AGBL1: variants seen among roughly 807,000 people sequenced by gnomAD.
AGBL1 encodes the protein AGBL carboxypeptidase 1.
AGBL1 carries 130 observed loss-of-function variants against 118.9 expected under a neutral mutation model. The ratio of observed to expected loss-of-function variants is 1.09; its 90% CI spans 0.95 to 1.26. The LOEUF is 1.26. AGBL1 is among the 50% of genes most tolerant of loss of function. The probability of loss-of-function intolerance (pLI) is 0.00; values close to 1 mark genes in which losing one functional copy is unlikely to be tolerated. For synonymous variants in AGBL1, 555 were observed against 478.9 expected, an observed-to-expected ratio of 1.16 and a Z score of -2.08; for missense variants, 1,584 against 1,298.1, an observed-to-expected ratio of 1.22 and a Z score of -3.38.
At chr15:86,737,511 G>C (rs1427321630) in intron 22 of AGBL1, among the ~76,000 whole-genome samples, 1 of 152,180 alleles carries the variant, frequency 6.6e-6, no homozygotes, top group Non-Finnish European at 1.5e-5. Context: ...AAGTGCCTAT[G>C]ATATCTCGGC....
chr15:86,434,638 C>A (rs1195662943), intron 18 of AGBL1, among the ~76,000 whole-genome samples: 2 of 152,200 alleles, frequency 1.3e-5, no homozygotes, highest in African/African-American at 4.8e-5. Flanking sequence ...GGCCAGTCAA[C>A]ATTTTCATCA....
chr15:86,723,167 G>T (rs1239815966), intron 22 of AGBL1, among the ~76,000 whole-genome samples: 1 of 152,124 alleles, frequency 6.6e-6, no homozygotes, highest in African/African-American at 2.4e-5. Context: ...TATGTCCAAA[G>T]GATTATAAAT....
chr15:86,943,888 G>GC (rs759481580), intron 23 of AGBL1, among the ~76,000 whole-genome samples: 53 of 152,212 alleles, frequency 3.5e-4, no homozygotes, highest in Non-Finnish European at 3.8e-4. Flanking sequence ...TGTATCACCA[G>GC]CCCATTGGCC....
intron 5 of AGBL1, among the ~76,000 whole-genome samples, chr15:86,186,627 C>A (rs1415094880): frequency 6.6e-6 from 1 of 152,166 alleles, no homozygotes; most frequent in Non-Finnish European, 1.5e-5. Flanking sequence ...GCCAGGCTGA[C>A]ACGGAGCCCT....
In AGBL1 at chr15:86,483,160, C is replaced by T. The variant is rs146274879; in HGVS notation, c.2556-39650C>T. ...CATGGGGCCCATGTTCAAAATATGGCGGCATTGGCATGATCTGAGGGTGCA... is the reference window on the plus strand; with the variant it reads ...CATGGGGCCCATGTTCAAAATATGGTGGCATTGGCATGATCTGAGGGTGCA... On this transcript the variant is annotated intron_variant, in intron 18 of 22. Transcript: ENST00000614907. Among the ~76,000 whole-genome samples, 96 of 152,130 alleles carry T rather than the reference C, an allele frequency of 6.3e-4. 1 individual carries two copies. Among genetic ancestry groups the T allele is most frequent in the African/African-American group, 1.8e-3 (75 of 41,512 alleles).
intron 20 of AGBL1, 58 bp from the exon 21 acceptor site, chr15:86,554,300 TATG>T (rs1450931582): frequency 1.5e-6 from 2 of 1,366,992 alleles, no homozygotes; most frequent in Admixed American, 2.8e-5. Flanking sequence ...AAGCTATTTT[TATG>T]ATGACTATCC....
intron 22 of AGBL1, among the ~76,000 whole-genome samples, chr15:86,771,293 A>G (rs180722474): frequency 6.6e-6 from 1 of 152,200 alleles, no homozygotes; most frequent in Non-Finnish European, 1.5e-5. Flanking sequence ...AATCCTTTTG[A>G]TAATCTTGCA....
intron 17 of AGBL1, among the ~76,000 whole-genome samples, chr15:86,322,264 C>T (rs925197869): frequency 1.3e-5 from 2 of 151,836 alleles, no homozygotes; most frequent in Non-Finnish European, 2.9e-5. Context: ...AAATCTTCCA[C>T]TACAACAAGA....
chr15:86,550,872 A>G (rs531960670), intron 20 of AGBL1, among the ~76,000 whole-genome samples: 1 of 152,098 alleles, frequency 6.6e-6, no homozygotes, highest in South Asian at 2.1e-4. Context: ...GACTGAAACC[A>G]TGCACAGAAT....
rs923711315 is a variant in AGBL1 at position 86,224,139 on chromosome 15, A to AT, written c.489-768dup. Among the ~76,000 whole-genome samples, 9 of 152,218 alleles carry AT rather than the reference A, an allele frequency of 5.9e-5. No individual in the cohort carries two copies. In the East Asian group the frequency reaches 1.4e-3, roughly 23 times the overall value. On this transcript the variant is annotated intron_variant, in intron 5 of 22. Transcript: ENST00000614907. ...TTACTAGGGCCACACAGAATCTTCT[A>AT]TTTTTTTAAAAAAGCAAACACAACT...
intron 21 of AGBL1, among the ~76,000 whole-genome samples, chr15:86,592,769 T>C (rs2084355606): frequency 6.6e-6 from 1 of 152,212 alleles, no homozygotes. Flanking sequence ...GTGTTTTCTA[T>C]CTTGGGAAAC....
chr15:86,870,146 T>G (rs1036019342), intron 22 of AGBL1, among the ~76,000 whole-genome samples: 1 of 152,118 alleles, frequency 6.6e-6, no homozygotes, highest in Non-Finnish European at 1.5e-5. Context: ...ACATGAACTT[T>G]CTAGTTAAAT....
intron 21 of AGBL1, chr15:86,556,205 C>G (rs2083731593): frequency 6.2e-7 from 1 of 1,605,874 alleles, no homozygotes; most frequent in Admixed American, 1.7e-5. Flanking sequence ...AGGCCCTCAC[C>G]AACTCTCTAC....
At chr15:86,989,630 T>A (rs1247832924) in intron 24 of AGBL1, among the ~76,000 whole-genome samples, 1 of 152,170 alleles carries the variant, frequency 6.6e-6, no homozygotes, top group African/African-American at 2.4e-5. Flanking sequence ...TAGCAATGAT[T>A]AAAGGAAGAA....
At chr15:86,264,145 C>T (rs1238426653) in intron 10 of AGBL1, 113 bp from the exon 11 acceptor site, 1 of 902,014 alleles carries the variant, frequency 1.1e-6, no homozygotes, top group African/African-American at 1.7e-5. Flanking sequence ...AAAGCTTCCA[C>T]ATTCACAGGA....
intron 22 of AGBL1, among the ~76,000 whole-genome samples, chr15:86,828,941 T>TAC (rs2079068388): frequency 7.5e-6 from 1 of 133,946 alleles, no homozygotes; most frequent in African/African-American, 2.7e-5. Flanking sequence ...TATATATATA[T>TAC]ACTGTGTATT....
chr15:86,140,556 G>T lies in AGBL1; in HGVS notation c.52-1448G>T, dbSNP rs966307360. ...TTCTTTAAATATCTTCATACCTAGT[G>T]GGGGTGGAGTGGGAAGCAAGATTAT... is the stretch of plus-strand genomic sequence containing the variant. On this transcript the variant is annotated intron_variant, in intron 1 of 22. Transcript: ENST00000614907. Among the ~76,000 whole-genome samples the T allele has an allele frequency of 7.9e-5, 12 of 152,264 alleles. No homozygotes were observed. In the South Asian group the frequency reaches 8.3e-4, roughly 11 times the overall value.
rs575744593 is a variant in AGBL1 at position 86,345,453 on chromosome 15, T to G, written c.2374+50045T>G. On this transcript the variant is annotated intron_variant, in intron 17 of 22. Transcript: ENST00000614907. ...AACACAACAGAAATTTATTTTCGTA[T>G]GAACATAGACATTAAAGAAAGTTTG... 5.3e-5 allele frequency among the ~76,000 whole-genome samples: 8 copies of G among 152,314 alleles called. No individual in the cohort carries two copies. The South Asian group carries it at 1.7e-3, about 32-fold the overall frequency.
intron 17 of AGBL1, chr15:86,316,830 G>C (rs1002106128): frequency 2.6e-5 from 4 of 152,292 alleles, no homozygotes; most frequent in African/African-American, 9.7e-5. Flanking sequence ...CCTCCTTTCT[G>C]ATCTCAGTTG....
Sources: allele counts gnomAD v4.1 joint callset (sites outside exome capture counted in the v4.1 genomes callset), GRCh38; gene constraint gnomAD v4.1.1; transcripts MANE v1.5; gene names NCBI Gene and HGNC (gene_info 2026-07-23, HGNC 2026-07-21).